MBNL1: variants seen among roughly 807,000 people sequenced by gnomAD.
The protein encoded by MBNL1 is muscleblind-like protein 1.
A neutral mutation model predicts 42.2 loss-of-function variants in MBNL1; 8 were observed. The ratio of observed to expected loss-of-function variants is 0.19; its 90% confidence interval spans 0.11 to 0.34. MBNL1 has a LOEUF of 0.34. Among genes scored for constraint, MBNL1 ranks in the 10% least tolerant of loss-of-function variants. The pLI is 1.00. For synonymous variants in MBNL1, 169 were observed against 173.9 expected, an observed-to-expected ratio of 0.97 and a Z score of 0.22; for missense variants, 309 against 495.3, an observed-to-expected ratio of 0.62 and a Z score of 3.57.
Position 152,458,293 on chromosome 3 carries a change from G to A in MBNL1, c.1093-978G>A, listed in dbSNP as rs966216830. 10 of 1,011,402 alleles carry A rather than the reference G, an allele frequency of 9.9e-6. No individual in the cohort carries two copies. In the African/African-American group the frequency reaches 1.6e-4, roughly 16 times the overall value. The allele number at this position is 1,011,402 out of a possible 1,614,324, so 62.7% of individuals were successfully genotyped here. On this transcript the variant is annotated intron_variant, in intron 8 of 9. Transcript: ENST00000324210. ...CAGCTGAGAACTGGAAATAAAACAG[G>A]GACATATTAATATACACGCCAGACT... is the stretch of plus-strand genomic sequence containing the variant.
At chr3:152,426,401 AATT>A (rs1464405304) in intron 3 of MBNL1, among the ~76,000 whole-genome samples, 2 of 152,168 alleles carry the variant, frequency 1.3e-5, no homozygotes, top group African/African-American at 4.8e-5. Flanking sequence ...TCTTTTTCCA[AATT>A]ATTATTTTTA....
At chr3:152,376,599 T>C (rs2096912047) in intron 2 of MBNL1, among the ~76,000 whole-genome samples, 1 of 152,208 alleles carries the variant, frequency 6.6e-6, no homozygotes. Context: ...GATGATCATA[T>C]ATTAAATATA....
intron 2 of MBNL1, among the ~76,000 whole-genome samples, chr3:152,347,608 AATCAT>A (rs2094452732): frequency 6.6e-6 from 1 of 152,094 alleles, no homozygotes; most frequent in East Asian, 1.9e-4. Flanking sequence ...GAACACAGAA[AATCAT>A]GTAAGAAGAC....
chr3:152,320,626 A>G (rs1270277608), intron 2 of MBNL1, among the ~76,000 whole-genome samples: 1 of 151,840 alleles, frequency 6.6e-6, no homozygotes, highest in Non-Finnish European at 1.5e-5. Context: ...TAGCTTTCAA[A>G]GGTTGCATAG....
At chr3:152,288,047 G>T (rs567101694) in intron 1 of MBNL1, among the ~76,000 whole-genome samples, 1 of 152,218 alleles carries the variant, frequency 6.6e-6, no homozygotes, top group Non-Finnish European at 1.5e-5. Flanking sequence ...CTCCCAAGAA[G>T]CCTAACTTTA....
At chr3:152,252,166 T>TCCTTCCTC (rs2034692447) in intron 2 of MBNL1, among the ~76,000 whole-genome samples, 2 of 143,566 alleles carry the variant, frequency 1.4e-5, no homozygotes. Context: ...CTTCCTTCCT[T>TCCTTCCTC]CCTTCCTTCC....
chr3:152,310,624 T>C (rs533363471), intron 2 of MBNL1, among the ~76,000 whole-genome samples: 2 of 152,342 alleles, frequency 1.3e-5, no homozygotes, highest in South Asian at 4.1e-4. Flanking sequence ...AACATGCTCA[T>C]TCACATTTTT....
chr3:152,334,970 A>G (rs2088648426), intron 2 of MBNL1: 1 of 642,746 alleles, frequency 1.6e-6, no homozygotes, highest in South Asian at 2.1e-5. Context: ...CTGTAGGTGT[A>G]AATAAGAATG....
At chr3:152,335,104 G>A in intron 2 of MBNL1, 1 of 1,285,480 alleles carries the variant, frequency 7.8e-7, no homozygotes. Flanking sequence ...TACTCTTGGT[G>A]CTGCAGCAGT....
intron 1 of MBNL1, among the ~76,000 whole-genome samples, chr3:152,274,546 A>G (rs1202558427): frequency 2.6e-5 from 4 of 152,206 alleles, no homozygotes; most frequent in East Asian, 1.9e-4. Context: ...AATAAAGGGA[A>G]CAGTCCTTAA....
intron 2 of MBNL1, among the ~76,000 whole-genome samples, chr3:152,324,128 T>TTAC (rs529978187): frequency 3.5e-4 from 54 of 152,310 alleles, no homozygotes; most frequent in African/African-American, 1.3e-3. Flanking sequence ...AGGAAATCAC[T>TTAC]TACTAATCAC....
intron 2 of MBNL1, among the ~76,000 whole-genome samples, chr3:152,373,514 C>T (rs1345739468): frequency 6.6e-6 from 1 of 152,098 alleles, no homozygotes; most frequent in East Asian, 1.9e-4. Flanking sequence ...GGTTGGAATG[C>T]ACCATTCCTC....
intron 1 of MBNL1, among the ~76,000 whole-genome samples, chr3:152,291,995 T>C (rs1389780892): frequency 6.6e-6 from 1 of 152,156 alleles, no homozygotes; most frequent in Non-Finnish European, 1.5e-5. Flanking sequence ...ACTGTGTTGC[T>C]CAGGCTGGAA....
intron 8 of MBNL1, chr3:152,458,215 T>C (rs549982249): frequency 4.3e-6 from 7 of 1,610,400 alleles, no homozygotes; most frequent in African/African-American, 4.0e-5. Context: ...TTCATTATGC[T>C]TGGAGCACAT....
chr3:152,424,790 A>C (rs1396929681), intron 3 of MBNL1, among the ~76,000 whole-genome samples: 1 of 152,196 alleles, frequency 6.6e-6, no homozygotes, highest in Non-Finnish European at 1.5e-5. Flanking sequence ...CCACCATTTG[A>C]TCTTTGACAA....
intron 2 of MBNL1, among the ~76,000 whole-genome samples, chr3:152,249,145 G>A: frequency 3.1e-5 from 4 of 130,220 alleles, no homozygotes; most frequent in African/African-American, 8.6e-5. Flanking sequence ...TAATGGGATG[G>A]CTGGGTCAAA....
rs184864346 is a variant in MBNL1, at chr3:152,402,901, C to T, written c.175-12040C>T. Reference sequence around the variant, plus strand: ...TGATATAGACTGTGGGCATGAGCCTCCTTCTGGAGGCTGTCACCAGGGAAG... The same window carrying T: ...TGATATAGACTGTGGGCATGAGCCTTCTTCTGGAGGCTGTCACCAGGGAAG... On this transcript the variant is annotated intron_variant, in intron 2 of 9. Coordinates refer to ENST00000324210, the MANE Select transcript of MBNL1 (RefSeq NM_021038.5). 3.0e-3 allele frequency among the ~76,000 whole-genome samples: 456 copies of T among 152,224 alleles called. 10 individuals carry two copies. Among genetic ancestry groups the T allele is most frequent in the Non-Finnish European group, 1.1e-3 (75 of 68,016 alleles).
At chr3:152,256,592 T>A (rs531126682) in intron 2 of MBNL1, among the ~76,000 whole-genome samples, 1 of 152,306 alleles carries the variant, frequency 6.6e-6, no homozygotes, top group East Asian at 1.9e-4. Flanking sequence ...ATTTTTATTA[T>A]CCTAAGAGAT....
intron 2 of MBNL1, among the ~76,000 whole-genome samples, chr3:152,366,450 A>G (rs542469216): frequency 1.1e-4 from 17 of 152,274 alleles, no homozygotes; most frequent in Admixed American, 7.9e-4. Flanking sequence ...GCAGAGGATA[A>G]TGTGATACCC....
Sources: allele counts gnomAD v4.1 joint callset (sites outside exome capture counted in the v4.1 genomes callset), GRCh38; gene constraint gnomAD v4.1.1; transcripts MANE v1.5; gene names NCBI Gene and HGNC (gene_info 2026-07-23, HGNC 2026-07-21).